Variants in APCDD1L observed in about 807,000 individuals in gnomAD.
The protein encoded by APCDD1L is APC down-regulated 1 like.
Under a neutral mutation model 24.2 loss-of-function variants are expected in APCDD1L, and 21 were observed. The ratio of observed to expected loss-of-function variants is 0.87; its 90% CI spans 0.61 to 1.25. The LOEUF (loss-of-function observed/expected upper bound fraction) is 1.25. APCDD1L is among the 50% of genes most tolerant of loss of function. The probability of loss-of-function intolerance (pLI) is 0.00; values close to 1 mark genes in which losing one functional copy is unlikely to be tolerated. For synonymous variants in APCDD1L, 321 were observed against 323.6 expected (o/e 0.99, Z 0.09); for missense variants, 704 against 711.7 (o/e 0.99, Z 0.12).
At chr20:58,512,112 C>A (rs1990640334) in intron 1 of APCDD1L, among the ~76,000 whole-genome samples, 1 of 152,226 alleles carries the variant, frequency 6.6e-6, no homozygotes, top group South Asian at 2.1e-4. Context: ...CATACCGCAG[C>A]CTGGCTCCTG....
chr20:58,462,001 A>G (rs1989619686), intron 3 of APCDD1L: 1 of 164,616 alleles, frequency 6.1e-6, no homozygotes, highest in Non-Finnish European at 1.3e-5. Flanking sequence ...TTACAGTACT[A>G]AAAAGCCCTA....
At chr20:58,479,561 G>A (rs1042921892) in intron 1 of APCDD1L, among the ~76,000 whole-genome samples, 1 of 128,612 alleles carries the variant, frequency 7.8e-6, no homozygotes, top group Non-Finnish European at 1.7e-5. Flanking sequence ...CTGTTGCTCT[G>A]TTTTATATAC....
In APCDD1L at chr20:58,499,253, C is replaced by T. The variant is rs112445343; in HGVS notation, c.49+15406G>A. Among the ~76,000 whole-genome samples the T allele has an allele frequency of 3.9e-3, 597 of 152,286 alleles. 8 individuals are homozygous for T. Among genetic ancestry groups the T allele is most frequent in the African/African-American group, 0.014 (565 of 41,554 alleles). On this transcript the variant is annotated intron_variant, in intron 1 of 3. Coordinates refer to ENST00000371149, the MANE Select transcript of APCDD1L (RefSeq NM_153360.3). ...GTGTGTCCTCCTGGTGGCCACACTA[C>T]TGGCCACACCTAGCTGCAAGGGAGG... is the stretch of plus-strand genomic sequence containing the variant.
At chr20:58,502,888 T>C (rs1000410828) in intron 1 of APCDD1L, among the ~76,000 whole-genome samples, 1 of 152,222 alleles carries the variant, frequency 6.6e-6, no homozygotes, top group African/African-American at 2.4e-5. Context: ...ACGTTCTTGT[T>C]GAAGCTCTTA....
intron 1 of APCDD1L, among the ~76,000 whole-genome samples, chr20:58,502,784 T>G (rs1311263345): frequency 1.3e-5 from 2 of 151,804 alleles, no homozygotes; most frequent in African/African-American, 2.4e-5. Context: ...ACAGGGAATA[T>G]GTTTCGCCCA....
chr20:58,511,864 A>C (rs1904479044), intron 1 of APCDD1L, among the ~76,000 whole-genome samples: 1 of 152,338 alleles, frequency 6.6e-6, no homozygotes, highest in Non-Finnish European at 1.5e-5. Context: ...GCCATCGCAA[A>C]GTATATAGCG....
rs556694180 is a variant in APCDD1L, at chr20:58,495,941, T to C, written c.49+18718A>G. Among the ~76,000 whole-genome samples the C allele has an allele frequency of 1.1e-3, 168 of 152,292 alleles. 1 individual carries two copies. The highest frequency in any genetic ancestry group is 3.3e-3 in the Admixed American group (51 of 15,306). On this transcript the variant is annotated intron_variant, in intron 1 of 3. Coordinates refer to ENST00000371149, the MANE Select transcript of APCDD1L (RefSeq NM_153360.3). ...GGTCCCCCTCTCCAGGCTGGGCCCCTGTGCCCACATCCCCCATCCTTGGCC... is the reference window on the plus strand; with the variant it reads ...GGTCCCCCTCTCCAGGCTGGGCCCCCGTGCCCACATCCCCCATCCTTGGCC...
At chr20:58,503,975 C>T (rs1317730176) in intron 1 of APCDD1L, among the ~76,000 whole-genome samples, 3 of 152,172 alleles carry the variant, frequency 2.0e-5, no homozygotes, top group Non-Finnish European at 4.4e-5. Flanking sequence ...GCAAGCATCC[C>T]ATGAGCCCAT....
Position 58,461,104 on chromosome 20 carries a change from C to T in APCDD1L, c.1192G>A (p.Gly398Ser), listed in dbSNP as rs757640534. ...AGCCGGATGCCCAGCGGTAGGCAGC[C>T]GTTGGTGGCTGTGACATCCCGCTCA... Reference protein sequence around the residue: ...GTERDVTATNGCLPLGIRLPH... With the variant: ...GTERDVTATNSCLPLGIRLPH... The change falls in exon 4 of 4, where the codon GGC becomes AGC. Residue 398 changes from glycine (G) to serine (S), a missense_variant. Gly to Ser is a moderately conservative substitution (Grantham distance 56). Transcript: ENST00000371149. The surrounding 1 kb of genome is among the most constrained non-coding windows in gnomAD (Gnocchi z 6.0). The T allele has an allele frequency of 6.8e-6, 11 of 1,613,854 alleles. No homozygotes were observed. In the Admixed American group the frequency reaches 1.0e-4, roughly 15 times the overall value.
At position 58,467,292 on chromosome 20, in the gene APCDD1L, G is replaced by T. The variant is rs749076454; in HGVS notation, c.555C>A (p.Cys185Ter). 5.6e-5 allele frequency: 86 copies of T among 1,547,320 alleles called. No homozygotes were observed. Among genetic ancestry groups the T allele is most frequent in the Non-Finnish European group, 7.0e-5 (81 of 1,153,484 alleles). The change falls in exon 3 of 4, where the codon TGC becomes TGA. Residue 185 changes from cysteine to a stop codon, truncating the protein, a stop_gained. Transcript: ENST00000371149. LOFTEE classifies it high-confidence loss of function. The surrounding 1 kb of genome is among the most constrained non-coding windows in gnomAD (Gnocchi z 5.9). Reference protein sequence around the residue: ...ELRSARAQGDCLEALGLTMHE... With the variant: ...ELRSARAQGD Reference sequence around the variant, plus strand: ...GCATGGTGAGGCCCAGCGCCTCCAGGCAGTCCCCCTGAGCCCGGGCGCTCC... The same window carrying T: ...GCATGGTGAGGCCCAGCGCCTCCAGTCAGTCCCCCTGAGCCCGGGCGCTCC...
At chr20:58,495,982 G>T (rs953384099) in intron 1 of APCDD1L, among the ~76,000 whole-genome samples, 10 of 152,342 alleles carry the variant, frequency 6.6e-5, no homozygotes, top group Middle Eastern at 3.4e-3. Context: ...TACAGAGGGG[G>T]CGGTGGCTGC....
chr20:58,485,853 A>AG (rs1990109654), intron 1 of APCDD1L, among the ~76,000 whole-genome samples: 1 of 152,210 alleles, frequency 6.6e-6, no homozygotes, highest in African/African-American at 2.4e-5. Flanking sequence ...AGTGAGCTTA[A>AG]GGGGGGCCTG....
chr20:58,505,600 A>C (rs1482357753), intron 1 of APCDD1L, among the ~76,000 whole-genome samples: 2 of 152,218 alleles, frequency 1.3e-5, no homozygotes, highest in Non-Finnish European at 2.9e-5. Context: ...GTTACTTCTC[A>C]AATTCCATTT....
intron 1 of APCDD1L, among the ~76,000 whole-genome samples, chr20:58,503,443 C>T (rs1232447165): frequency 6.6e-6 from 1 of 152,172 alleles, no homozygotes; most frequent in Non-Finnish European, 1.5e-5. Context: ...ATGAAAAACA[C>T]ATGTTAAAGC....
chr20:58,469,252 A>C (rs377536002), intron 2 of APCDD1L, among the ~76,000 whole-genome samples: 1 of 152,228 alleles, frequency 6.6e-6, no homozygotes, highest in African/African-American at 2.4e-5. Context: ...AATATATTTT[A>C]GTAAATAAAA....
chr20:58,465,395 T>C (rs112221455), intron 3 of APCDD1L, among the ~76,000 whole-genome samples: 395 of 152,312 alleles, frequency 2.6e-3, no homozygotes, highest in African/African-American at 6.8e-3. Flanking sequence ...TGCTCCCGCA[T>C]TGGGGCAATA....
rs1033995621 is a variant in APCDD1L, at chr20:58,461,367, G to A, written c.929C>T (p.Ser310Phe). The A allele has an allele frequency of 6.4e-7, 1 of 1,571,500 alleles. No individual in the cohort carries two copies. Residue 310 changes from serine to phenylalanine, a missense_variant, in exon 4 of 4, where the codon TCC becomes TTC. Transcript: ENST00000371149. This position sits in a 1 kb window ranked among gnomAD's most constrained non-coding sequence, Gnocchi z 6.0. Reference protein sequence around the residue: ...RLFTFHGHSRSWEGYYHHFSD... With the variant: ...RLFTFHGHSRFWEGYYHHFSD... ...GAAGTGGTGGTAATACCCTTCCCAG[G>A]AGCGGCTGTGCCCGTGGAAAGTGAA...
intron 1 of APCDD1L, among the ~76,000 whole-genome samples, chr20:58,507,374 C>T (rs935024595): frequency 3.3e-4 from 51 of 152,264 alleles, no homozygotes; most frequent in African/African-American, 1.2e-3. Flanking sequence ...ATACAATGTC[C>T]ATGGCATAGA....
intron 1 of APCDD1L, among the ~76,000 whole-genome samples, chr20:58,475,374 G>C (rs1989887188): frequency 6.6e-6 from 1 of 152,208 alleles, no homozygotes; most frequent in African/African-American, 2.4e-5. Context: ...GTCGGTTTTA[G>C]AGGGTGTTAA....
Sources: allele counts gnomAD v4.1 joint callset (sites outside exome capture counted in the v4.1 genomes callset), GRCh38; gene constraint gnomAD v4.1.1; non-coding constraint Gnocchi (gnomAD v3.1); transcripts MANE v1.5; gene names NCBI Gene and HGNC (gene_info 2026-07-23, HGNC 2026-07-21).